The following SIN3A variants were observed in gnomAD, a reference collection of about 807,000 sequenced individuals.
The protein encoded by SIN3A is SIN3 transcription regulator family member A, also known as paired amphipathic helix protein Sin3a.
In SIN3A, 14 loss-of-function variants were observed where a neutral mutation model predicts 146.1. The ratio of observed to expected loss-of-function variants is 0.10; its 90% CI spans 0.06 to 0.15. The LOEUF (loss-of-function observed/expected upper bound fraction) is 0.15, where lower values mean the gene tolerates loss of function less well. Ranked by LOEUF, SIN3A falls within the 10% of genes least tolerant of loss-of-function variation. The pLI, the probability that SIN3A is intolerant of heterozygous loss-of-function variation, is 1.00. For missense variants in SIN3A, 1,028 were observed against 1,576.0 expected (o/e 0.65, Z 5.89); for synonymous variants, 572 against 572.0 (o/e 1.00, Z 0.00).
intron 18 of SIN3A, 187 bp from the exon 19 acceptor site, chr15:75,380,910 C>T: frequency 1.9e-6 from 1 of 536,574 alleles, no homozygotes; most frequent in Non-Finnish European, 3.4e-6. Flanking sequence ...ATTCTGTTAG[C>T]CAGCAATACT....
At chr15:75,423,413 T>G (rs1339855057) in intron 2 of SIN3A, among the ~76,000 whole-genome samples, 2 of 152,212 alleles carry the variant, frequency 1.3e-5, no homozygotes, top group African/African-American at 4.8e-5. Flanking sequence ...GCACGGTGGC[T>G]CATGCCTGTA....
At position 75,389,761 on chromosome 15, in the gene SIN3A, T is replaced by A; in HGVS notation, c.2912A>T (p.Asp971Val). The stretch of plus-strand genomic sequence containing the variant: ...ATACTGTGATGAGTCTATGTTGCCA[T>A]CCAGCAGGCTCCGCACCATGTCCAG... Reference protein sequence around the residue: ...AFLDMVRSLLDGNIDSSQYED... With the variant: ...AFLDMVRSLLVGNIDSSQYED... Residue 971 changes from aspartate (D) to valine (V), a missense_variant, in exon 16 of 21, where the codon GAT becomes GTT. Asp to Val is a radical substitution (Grantham distance 152). Coordinates refer to ENST00000394947, the MANE Select transcript of SIN3A (RefSeq NM_001145358.2). 6.2e-7 allele frequency: 1 copy of A among 1,614,110 alleles called. No homozygotes were observed. Among genetic ancestry groups the A allele is most frequent in the Non-Finnish European group, 8.5e-7 (1 of 1,179,998 alleles).
At chr15:75,414,495 C>A (rs2073698889) in intron 3 of SIN3A, among the ~76,000 whole-genome samples, 184 bp from the exon 4 acceptor site, 1 of 152,008 alleles carries the variant, frequency 6.6e-6, no homozygotes, top group South Asian at 2.1e-4. Flanking sequence ...AAATAATAAT[C>A]AACTCATAAA....
At chr15:75,438,396 G>A (rs1291265073) in intron 1 of SIN3A, among the ~76,000 whole-genome samples, 1 of 151,760 alleles carries the variant, frequency 6.6e-6, no homozygotes, top group Non-Finnish European at 1.5e-5. Flanking sequence ...AAAAAAACGG[G>A]TGGGATGCTG....
intron 1 of SIN3A, among the ~76,000 whole-genome samples, chr15:75,450,583 G>A (rs888535617): frequency 2.6e-5 from 4 of 152,208 alleles, no homozygotes; most frequent in African/African-American, 7.2e-5. Flanking sequence ...AGAGGGGAGT[G>A]GGGGTGACCA....
chr15:75,387,831 G>A (rs1395312838), intron 16 of SIN3A, among the ~76,000 whole-genome samples: 1 of 152,096 alleles, frequency 6.6e-6, no homozygotes, highest in Non-Finnish European at 1.5e-5. Flanking sequence ...GGAAGTTAAG[G>A]AAGATTAGTC....
At position 75,387,189 on chromosome 15, in the gene SIN3A, T is replaced by C. The variant is rs114222018; in HGVS notation, c.3021+2463A>G. On this transcript the variant is annotated intron_variant, in intron 16 of 20. Transcript: ENST00000394947. Reference sequence around the variant, plus strand: ...AATATGAGGAGAATGAGAGAAGAGATACCTCCAGTTAAAGGAGTTGAGAAG... The same window carrying C: ...AATATGAGGAGAATGAGAGAAGAGACACCTCCAGTTAAAGGAGTTGAGAAG... 1.9e-3 allele frequency among the ~76,000 whole-genome samples: 296 copies of C among 152,228 alleles called. 2 individuals carry two copies. Among genetic ancestry groups the C allele is most frequent in the African/African-American group, 6.6e-3 (274 of 41,550 alleles).
intron 3 of SIN3A, chr15:75,421,923 G>A (rs1466577572): frequency 6.6e-6 from 1 of 152,030 alleles, no homozygotes; most frequent in Non-Finnish European, 1.5e-5. Flanking sequence ...ATACTCAGCA[G>A]AAAATATGAA....
chr15:75,385,168 G>A (rs1355815443), intron 16 of SIN3A, among the ~76,000 whole-genome samples: 1 of 152,180 alleles, frequency 6.6e-6, no homozygotes, highest in East Asian at 1.9e-4. Flanking sequence ...GTGAGGAAGG[G>A]AGCCTTGGAG....
intron 17 of SIN3A, among the ~76,000 whole-genome samples, chr15:75,383,621 C>T (rs1283763747): frequency 6.6e-6 from 1 of 151,958 alleles, no homozygotes; most frequent in Non-Finnish European, 1.5e-5. Context: ...CTCCGCCTCC[C>T]GGGTTCACGC....
Position 75,380,838 on chromosome 15 carries a change from ATC to A in SIN3A, c.3289-117_3289-116del. On this transcript the variant is annotated intron_variant, in intron 18 of 20. Coordinates refer to ENST00000394947, the MANE Select transcript of SIN3A (RefSeq NM_001145358.2). The stretch of plus-strand genomic sequence containing the variant: ...ATGCCCCGAATTCATAAATTTCAAG[ATC>A]AAAAAAGTCCCTTTCTATAAAGACA... The A allele has an allele frequency of 8.3e-6, 6 of 722,374 alleles. No individual in the cohort carries two copies. The Admixed American group carries it at 8.6e-5, about 10-fold the overall frequency. 44.7% of individuals were successfully genotyped at this position (722,374 alleles called of 1,614,324 possible).
intron 3 of SIN3A, among the ~76,000 whole-genome samples, chr15:75,417,214 GA>G (rs2073755656): frequency 6.6e-6 from 1 of 152,102 alleles, no homozygotes; most frequent in Non-Finnish European, 1.5e-5. Context: ...TTAGGACAGA[GA>G]CACCCAAAAG....
chr15:75,442,881 G>A (rs1167089162), intron 1 of SIN3A, among the ~76,000 whole-genome samples: 4 of 145,610 alleles, frequency 2.7e-5, no homozygotes, highest in East Asian at 2.0e-4. Flanking sequence ...GCGGTGAGCC[G>A]AGATTGTGCC....
chr15:75,419,784 C>A, intron 3 of SIN3A: 1 of 152,124 alleles, frequency 6.6e-6, no homozygotes. Flanking sequence ...GAGATGGCGC[C>A]ACTGCACTAC....
intron 5 of SIN3A, among the ~76,000 whole-genome samples, chr15:75,411,966 C>G (rs1327225217): frequency 6.6e-6 from 1 of 152,144 alleles, no homozygotes; most frequent in Non-Finnish European, 1.5e-5. Flanking sequence ...TAAATAAAAC[C>G]TTAAAACTGG....
intron 9 of SIN3A, among the ~76,000 whole-genome samples, chr15:75,403,773 T>C (rs963382505): frequency 2.0e-5 from 3 of 152,154 alleles, no homozygotes; most frequent in African/African-American, 7.2e-5. Flanking sequence ...CTTGAACTCC[T>C]GACTTCAGGT....
chr15:75,437,833 AG>A (rs2074133047), intron 1 of SIN3A, among the ~76,000 whole-genome samples: 2 of 152,166 alleles, frequency 1.3e-5, no homozygotes, highest in Non-Finnish European at 2.9e-5. Flanking sequence ...AACTATGGAG[AG>A]AAGACTAAAT....
chr15:75,442,802 C>T lies in SIN3A; in HGVS notation c.-34+8621G>A, dbSNP rs1482516214. Among the ~76,000 whole-genome samples, 3 of 151,662 alleles carry T rather than the reference C, an allele frequency of 2.0e-5. No homozygotes were observed. In the South Asian group the frequency reaches 6.2e-4, roughly 32 times the overall value. On this transcript the variant is annotated intron_variant, in intron 1 of 20. Transcript: ENST00000394947. ...AAAAAATTAGCCAGGCATGGTGGTA[C>T]ATGCCTGTAATCCCAGCTACTTGGG...
intron 1 of SIN3A, among the ~76,000 whole-genome samples, chr15:75,442,511 T>C (rs2074234172): frequency 6.6e-6 from 1 of 150,790 alleles, no homozygotes. Flanking sequence ...ACATTCTAGC[T>C]GGATGCCTAT....
Sources: allele counts gnomAD v4.1 joint callset (sites outside exome capture counted in the v4.1 genomes callset), GRCh38; gene constraint gnomAD v4.1.1; transcripts MANE v1.5; gene names NCBI Gene and HGNC (gene_info 2026-07-23, HGNC 2026-07-21).